The following NDUFS1 variants were observed in gnomAD, a reference collection of about 807,000 sequenced individuals.
The protein encoded by NDUFS1 is NADH:ubiquinone oxidoreductase core subunit S1.
A neutral mutation model predicts 84.4 loss-of-function variants in NDUFS1; 61 were observed. That is an observed-to-expected ratio of 0.72 (90% CI 0.59 to 0.89). The LOEUF (loss-of-function observed/expected upper bound fraction) is 0.89, where lower values mean the gene tolerates loss of function less well. Ranked by LOEUF, NDUFS1 falls within the 40% of genes least tolerant of loss-of-function variation. The pLI is 0.00. For synonymous variants in NDUFS1, 275 were observed against 290.0 expected (o/e 0.95, Z 0.53); for missense variants, 891 against 890.0 (o/e 1.00, Z -0.01).
At chr2:206,144,213 T>C (rs1445912842) in intron 9 of NDUFS1, 81 bp from the exon 10 acceptor site, 3 of 1,048,616 alleles carry the variant, frequency 2.9e-6, no homozygotes, top group Non-Finnish European at 4.5e-6. Context: ...CAAGAAATGT[T>C]ATTTAAATAC....
intron 18 of NDUFS1, among the ~76,000 whole-genome samples, chr2:206,125,915 T>C (rs535836208): frequency 6.6e-6 from 1 of 152,192 alleles, no homozygotes; most frequent in Non-Finnish European, 1.5e-5. Flanking sequence ...CTTTTGAGCA[T>C]AGGTATTATT....
chr2:206,144,788 T>C, intron 9 of NDUFS1, 104 bp downstream of exon 9: 1 of 1,211,746 alleles, frequency 8.3e-7, no homozygotes, highest in South Asian at 1.4e-5. Flanking sequence ...CAGTAGTCTA[T>C]ATTCAGTAAC....
At chr2:206,129,603 T>C (rs537269512) in intron 15 of NDUFS1, among the ~76,000 whole-genome samples, 1 of 151,768 alleles carries the variant, frequency 6.6e-6, no homozygotes, top group Non-Finnish European at 1.5e-5. Context: ...CTTTTTTTTT[T>C]TTTTTGAGAG....
chr2:206,142,139 C>T, intron 11 of NDUFS1, 70 bp from the exon 12 acceptor site: 2 of 1,375,814 alleles, frequency 1.5e-6, no homozygotes, highest in Non-Finnish European at 2.0e-6. Context: ...ATGAAATATT[C>T]TCCTATCATC....
intron 3 of NDUFS1, among the ~76,000 whole-genome samples, chr2:206,151,974 T>C (rs1429862267): frequency 6.6e-6 from 1 of 152,204 alleles, no homozygotes; most frequent in Non-Finnish European, 1.5e-5. Context: ...CAAGCAATTC[T>C]CCTGCCTCAG....
chr2:206,127,620 G>A (rs1285490703), intron 16 of NDUFS1, 177 bp downstream of exon 16: 2 of 648,916 alleles, frequency 3.1e-6, no homozygotes, highest in Non-Finnish European at 5.3e-6. Flanking sequence ...GCGGTGCAAT[G>A]AGAGCTCACT....
intron 8 of NDUFS1, among the ~76,000 whole-genome samples, chr2:206,146,205 T>TA (rs1393181722): frequency 3.3e-5 from 5 of 152,126 alleles, no homozygotes; most frequent in African/African-American, 1.2e-4. Context: ...AAGCCTCACT[T>TA]AAAAATAAAA....
rs372460771 is a variant in NDUFS1 at position 206,147,610 on chromosome 2, G to A, written c.472C>T (p.Arg158Cys). The change falls in exon 7 of 19, where the codon CGT becomes TGT. Residue 158 changes from arginine (R) to cysteine (C), a missense_variant. By Grantham distance (180) the Arg-to-Cys change is radical. Coordinates refer to ENST00000233190, the MANE Select transcript of NDUFS1 (RefSeq NM_005006.7). ...CCAATGTTCTTGTCTTCCACAGCAC[G>A]CTTCCCCTCTAAAAATCGGCTCCTA... ...NDRSRFLEGK[R>C]AVEDKNIGPL... 66 of 1,613,964 alleles carry A rather than the reference G, an allele frequency of 4.1e-5. No individual in the cohort carries two copies. The highest frequency in any genetic ancestry group is 5.3e-5 in the Non-Finnish European group (62 of 1,179,998).
intron 1 of NDUFS1, among the ~76,000 whole-genome samples, chr2:206,158,153 A>G (rs1455028770): frequency 4.0e-5 from 6 of 151,894 alleles, no homozygotes; most frequent in South Asian, 4.1e-4. Flanking sequence ...TAGTAGAGAC[A>G]GGGTTTCACC....
chr2:206,127,750 A>C (rs768078809), intron 16 of NDUFS1, 47 bp downstream of exon 16: 8 of 1,588,664 alleles, frequency 5.0e-6, no homozygotes, highest in Middle Eastern at 1.9e-4. Flanking sequence ...CTAAAATATC[A>C]AATATGCCTT....
In NDUFS1 at chr2:206,115,542, G is replaced by C. The variant is rs1192078251; in HGVS notation, c.*8643C>G. On this transcript the variant is annotated 3_prime_UTR_variant, in exon 19 of 19. Coordinates refer to ENST00000233190, the MANE Select transcript of NDUFS1 (RefSeq NM_005006.7). Reference sequence around the variant, plus strand: ...TTCCTGGCCTCCAGAATTGTAAGAAGTAAATTTTTTTTTTTTTTAACGAAG... The same window carrying C: ...TTCCTGGCCTCCAGAATTGTAAGAACTAAATTTTTTTTTTTTTTAACGAAG... 2 of 188,066 alleles carry C rather than the reference G, an allele frequency of 1.1e-5. No individual in the cohort carries two copies. Among genetic ancestry groups the C allele is most frequent in the African/African-American group, 2.5e-5 (1 of 40,456 alleles). 11.6% of individuals were successfully genotyped at this position (188,066 alleles called of 1,614,324 possible).
chr2:206,134,679 AAC>A (rs1362959785), intron 13 of NDUFS1, among the ~76,000 whole-genome samples: 2 of 152,168 alleles, frequency 1.3e-5, no homozygotes, highest in Non-Finnish European at 1.5e-5. Context: ...AAAGGAAAAA[AAC>A]ACAGATATGA....
At position 206,133,074 on chromosome 2, in the gene NDUFS1, A is replaced by C; in HGVS notation, c.1424T>G (p.Val475Gly). Residue 475 changes from valine to glycine, a missense_variant, in exon 14 of 19, where the codon GTT (valine) becomes GGT (glycine). Val to Gly is a moderately radical substitution (Grantham distance 109, BLOSUM62 -3). Transcript: ENST00000233190. The part of the protein sequence containing the change: ...VLKEAKKPMV[V>G]LGSSALQRND... ...TCTTTGGAGTGCAGAACTGCCTAAA[A>C]CCACCATTGGTTTTTTAGCTTCCTT... is the stretch of plus-strand genomic sequence containing the variant. 2.5e-6 allele frequency: 4 copies of C among 1,613,324 alleles called. No individual in the cohort carries two copies. The highest frequency in any genetic ancestry group is 3.4e-6 in the Non-Finnish European group (4 of 1,179,686).
Position 206,123,786 on chromosome 2 carries a change from C to T in NDUFS1, c.*399G>A, listed in dbSNP as rs77000728. On this transcript the variant is annotated 3_prime_UTR_variant, in exon 19 of 19. Transcript: ENST00000233190. ...CATGATTATGTATTTTTCCTATTTA[C>T]CCAGCTTGACAAGGTGCTTAAATCT... 0.015 allele frequency: 2,441 copies of T among 167,506 alleles called. 58 individuals carry two copies. The highest frequency in any genetic ancestry group is 0.055 in the African/African-American group (2,279 of 41,682). 10.4% of individuals were successfully genotyped at this position (167,506 alleles called of 1,614,324 possible).
Position 206,116,595 on chromosome 2 carries a change from C to T in NDUFS1, c.*7590G>A, listed in dbSNP as rs575551074. 31 of 535,674 alleles carry T rather than the reference C, an allele frequency of 5.8e-5. No individual in the cohort carries two copies. Among genetic ancestry groups the T allele is most frequent in the African/African-American group, 9.5e-5 (5 of 52,374 alleles). 33.2% of individuals were successfully genotyped at this position (535,674 alleles called of 1,614,324 possible). On this transcript the variant is annotated 3_prime_UTR_variant, in exon 19 of 19. Transcript: ENST00000233190. ...CAGAAGTAAATTTCTTTATAAATTA[C>T]CCAGTCTGGGCCTGGTGTGTTGGCT... is the stretch of plus-strand genomic sequence containing the variant.
chr2:206,142,696 C>A lies in NDUFS1; in HGVS notation c.1123G>T (p.Ala375Ser). Reference protein sequence around the residue: ...TLCTEEVFPTAGAGTDLRSNY... With the variant: ...TLCTEEVFPTSGAGTDLRSNY... Reference sequence around the variant, plus strand: ...CTTCATATTTCTCACCCAGCTCCTGCAGTGGGGAAGACCTCTTCAGTGCAT... The same window carrying A: ...CTTCATATTTCTCACCCAGCTCCTGAAGTGGGGAAGACCTCTTCAGTGCAT... Residue 375 changes from alanine (A) to serine (S), a missense_variant, in exon 11 of 19, where the codon GCA becomes TCA. Ala to Ser is a moderately conservative substitution (Grantham distance 99). Transcript: ENST00000233190. 2.5e-6 allele frequency: 4 copies of A among 1,614,174 alleles called. No individual in the cohort carries two copies. The highest frequency in any genetic ancestry group is 3.4e-6 in the Non-Finnish European group (4 of 1,180,024).
At chr2:206,141,890 C>CA (rs756218351) in intron 12 of NDUFS1, 51 bp downstream of exon 12, 1 of 1,513,548 alleles carries the variant, frequency 6.6e-7, no homozygotes, top group South Asian at 1.1e-5. Flanking sequence ...ACATATAAAA[C>CA]AAAAAAATTA....
At position 206,133,253 on chromosome 2, in the gene NDUFS1, T is replaced by C. The variant is rs1575957408; in HGVS notation, c.1393-148A>G. ...TGTTAGCCCAACATACAGACACACA[T>C]ATACAACCAGATTTAGTTTAATCCA... On this transcript the variant is annotated intron_variant, in intron 13 of 18. Transcript: ENST00000233190. 1.1e-5 allele frequency: 7 copies of C among 649,724 alleles called. No individual in the cohort carries two copies. In the East Asian group the frequency reaches 1.9e-4, roughly 18 times the overall value. The allele number at this position is 649,724 out of a possible 1,614,324, so 40.2% of individuals were successfully genotyped here.
At position 206,142,739 on chromosome 2, in the gene NDUFS1, T is replaced by G. The variant is rs754560405; in HGVS notation, c.1080A>C (p.Arg360Ser). Residue 360 changes from arginine (R) to serine (S), a missense_variant, in exon 11 of 19, where the codon AGA becomes AGC. Coordinates refer to ENST00000233190, the MANE Select transcript of NDUFS1 (RefSeq NM_005006.7). ...CAGTGCATAAGGTGTCAGAGTCCAC[T>G]CTATTAAGCAAATCTTTGAGAGCTA... ...ALVALKDLLN[R>S]VDSDTLCTEE... 3.1e-6 allele frequency: 5 copies of G among 1,614,124 alleles called. No individual in the cohort carries two copies. The Admixed American group carries it at 6.7e-5, about 22-fold the overall frequency.
Sources: gnomAD v4.1 joint callset for allele counts (sites outside exome capture counted in the v4.1 genomes callset) on GRCh38, gnomAD v4.1.1 for gene constraint, MANE v1.5 for transcripts, NCBI Gene and HGNC (gene_info 2026-07-23, HGNC 2026-07-21) for gene names.